AK8: variants seen among roughly 807,000 people sequenced by gnomAD.
The protein encoded by AK8 is ATP-AMP transphosphorylase 8.
In AK8, 44 loss-of-function variants were observed where a neutral mutation model predicts 54.6. That is an observed-to-expected ratio of 0.81 (90% CI 0.63 to 1.04). The LOEUF (loss-of-function observed/expected upper bound fraction) is 1.04, where lower values mean the gene tolerates loss of function less well. AK8 is among the 50% of genes least tolerant of loss of function. AK8 has a pLI of 0.00. For missense variants in AK8, 555 were observed against 613.6 expected (o/e 0.90, Z 1.01); for synonymous variants, 239 against 245.6 (o/e 0.97, Z 0.25).
intron 10 of AK8, 88 bp downstream of exon 10, chr9:132,814,550 G>A: frequency 7.7e-7 from 1 of 1,296,048 alleles, no homozygotes; most frequent in South Asian, 1.4e-5. Flanking sequence ...CCCCAATTTT[G>A]AGCCCCTGAA....
chr9:132,877,766 G>C, intron 1 of AK8: 1 of 461,332 alleles, frequency 2.2e-6, no homozygotes. Flanking sequence ...CCTGGGCCGA[G>C]AGGCTCCCCA....
intron 11 of AK8, among the ~76,000 whole-genome samples, chr9:132,759,780 G>A (rs1295585842): frequency 6.6e-6 from 1 of 152,188 alleles, no homozygotes; most frequent in East Asian, 1.9e-4. Flanking sequence ...TCACTGGTTA[G>A]TAGATCTAAT....
At chr9:132,844,291 T>G (rs1344862134) in intron 5 of AK8, among the ~76,000 whole-genome samples, 1 of 108,180 alleles carries the variant, frequency 9.2e-6, no homozygotes, top group African/African-American at 3.1e-5. Context: ...AGAGACTGCA[T>G]TAGACCAAAA....
intron 3 of AK8, among the ~76,000 whole-genome samples, chr9:132,864,329 G>T (rs1050317918): frequency 3.9e-5 from 6 of 152,210 alleles, no homozygotes; most frequent in African/African-American, 4.8e-5. Flanking sequence ...GCCTCGAGAT[G>T]GTTCTGAAGG....
intron 11 of AK8, among the ~76,000 whole-genome samples, chr9:132,777,631 C>T (rs922649520): frequency 1.3e-5 from 2 of 152,096 alleles, no homozygotes; most frequent in African/African-American, 2.4e-5. Context: ...AAATGGTGGG[C>T]GGGGCTACTA....
At chr9:132,843,471 A>G (rs1174402157) in intron 5 of AK8, among the ~76,000 whole-genome samples, 2 of 152,178 alleles carry the variant, frequency 1.3e-5, no homozygotes, top group Admixed American at 1.3e-4. Flanking sequence ...TAAATTACTC[A>G]GTCTCAGGTA....
At chr9:132,844,030 G>T (rs1004393965) in intron 5 of AK8, among the ~76,000 whole-genome samples, 4 of 152,142 alleles carry the variant, frequency 2.6e-5, no homozygotes, top group Admixed American at 2.6e-4. Context: ...CTATGGTCAA[G>T]GTAAAATTTA....
chr9:132,865,393 C>G (rs1018857777), intron 3 of AK8, among the ~76,000 whole-genome samples: 9 of 152,162 alleles, frequency 5.9e-5, no homozygotes, highest in African/African-American at 2.2e-4. Context: ...TGCCCCATCC[C>G]GTCCATGATA....
intron 11 of AK8, chr9:132,768,934 T>TG (rs1838836924): frequency 6.6e-6 from 1 of 152,212 alleles, no homozygotes; most frequent in African/African-American, 2.4e-5. Context: ...CACTGGAAGA[T>TG]GAGTCCCAGC....
chr9:132,829,641 C>T (rs533136460), intron 5 of AK8, among the ~76,000 whole-genome samples: 11 of 151,452 alleles, frequency 7.3e-5, no homozygotes, highest in East Asian at 5.8e-4. Flanking sequence ...TTCTACTCTG[C>T]GGCTAACTTG....
chr9:132,773,816 C>A lies in AK8; in HGVS notation c.1121+18818G>T, dbSNP rs563690366. ...TATGGAGGTGCAGGGCAAGAAGAGGCATCAGGGGAGGCTTCCTGGAGCAGG... is the reference window on the plus strand; with the variant it reads ...TATGGAGGTGCAGGGCAAGAAGAGGAATCAGGGGAGGCTTCCTGGAGCAGG... On this transcript the variant is annotated intron_variant, in intron 11 of 12. Transcript: ENST00000298545. 2.6e-5 allele frequency among the ~76,000 whole-genome samples: 4 copies of A among 152,240 alleles called. No individual in the cohort carries two copies. In the South Asian group the frequency reaches 8.3e-4, roughly 32 times the overall value.
intron 11 of AK8, among the ~76,000 whole-genome samples, chr9:132,762,228 C>G (rs1465544985): frequency 6.6e-6 from 1 of 152,088 alleles, no homozygotes; most frequent in African/African-American, 2.4e-5. Flanking sequence ...TTAATTTTGC[C>G]AAGGAATCCA....
At chr9:132,804,414 T>C (rs1840618911) in intron 10 of AK8, among the ~76,000 whole-genome samples, 1 of 151,954 alleles carries the variant, frequency 6.6e-6, no homozygotes, top group Non-Finnish European at 1.5e-5. Context: ...CATCTCCCAG[T>C]AAAAACCAAC....
chr9:132,842,530 G>C (rs919934258), intron 5 of AK8, among the ~76,000 whole-genome samples: 3 of 152,152 alleles, frequency 2.0e-5, no homozygotes, highest in Admixed American at 6.5e-5. Flanking sequence ...CCCTGAAGAA[G>C]TGACTTGAAG....
chr9:132,836,838 T>C (rs1295544418), intron 5 of AK8, among the ~76,000 whole-genome samples: 3 of 152,246 alleles, frequency 2.0e-5, no homozygotes, highest in Non-Finnish European at 2.9e-5. Context: ...GACTGTTTCC[T>C]TATCTGTATA....
intron 11 of AK8, among the ~76,000 whole-genome samples, chr9:132,728,181 C>T (rs955226172): frequency 2.1e-4 from 32 of 152,204 alleles, no homozygotes; most frequent in African/African-American, 7.7e-4. Context: ...GCCACTGGAG[C>T]CACTGCTCAG....
intron 5 of AK8, among the ~76,000 whole-genome samples, chr9:132,830,046 G>T (rs1021033698): frequency 6.6e-6 from 1 of 152,216 alleles, no homozygotes; most frequent in Admixed American, 6.5e-5. Context: ...GTGGCTGGGG[G>T]TTGTGGGGAG....
At chr9:132,869,604 C>T (rs548770014) in intron 2 of AK8, among the ~76,000 whole-genome samples, 6 of 152,256 alleles carry the variant, frequency 3.9e-5, no homozygotes, top group African/African-American at 1.2e-4. Flanking sequence ...GGGCATTCAG[C>T]GGCCCTTTCT....
At chr9:132,848,906 CTT>C (rs577735065) in intron 5 of AK8, among the ~76,000 whole-genome samples, 2,515 of 118,464 alleles carry the variant, frequency 0.021, 66 homozygotes, top group African/African-American at 0.078. Context: ...CTCCTGTTTG[CTT>C]TTTTTTTTTT....
Sources: gnomAD v4.1 joint callset for allele counts (sites outside exome capture counted in the v4.1 genomes callset) on GRCh38, gnomAD v4.1.1 for gene constraint, MANE v1.5 for transcripts, NCBI Gene and HGNC (gene_info 2026-07-23, HGNC 2026-07-21) for gene names.